PIP5K1A: variants seen among roughly 807,000 people sequenced by gnomAD.
PIP5K1A encodes phosphatidylinositol 4-phosphate 5-kinase type-1 alpha.
A neutral mutation model predicts 72.9 loss-of-function variants in PIP5K1A; 46 were observed. The observed-to-expected ratio is 0.63, with a 90% CI of 0.50 to 0.81. The LOEUF (loss-of-function observed/expected upper bound fraction) is 0.81. Ranked by LOEUF, PIP5K1A falls within the 30% of genes least tolerant of loss-of-function variation. The probability of loss-of-function intolerance (pLI) is 0.00; values close to 1 mark genes in which losing one functional copy is unlikely to be tolerated. For missense variants in PIP5K1A, 458 were observed against 706.1 expected (o/e 0.65, Z 3.98); for synonymous variants, 228 against 255.1 (o/e 0.89, Z 1.01).
At chr1:151,211,412 G>A (rs1035611302) in intron 1 of PIP5K1A, among the ~76,000 whole-genome samples, 1 of 152,198 alleles carries the variant, frequency 6.6e-6, no homozygotes, top group Admixed American at 6.5e-5. Flanking sequence ...TTGAACCTGA[G>A]AGGTTGAGGC....
chr1:151,197,937 T>A, upstream of PIP5K1A: 1 of 414,124 alleles, frequency 2.4e-6, no homozygotes, highest in South Asian at 1.8e-5. Flanking sequence ...AGTTGGAGGC[T>A]AAAGGGGTTG....
At chr1:151,236,817 T>C in intron 9 of PIP5K1A, 54 bp downstream of exon 9, 1 of 1,011,014 alleles carries the variant, frequency 9.9e-7, no homozygotes, top group Non-Finnish European at 1.4e-6. Context: ...AGCACTTTTC[T>C]TTTCTTTTTT....
At chr1:151,228,466 A>G (rs993596954) in intron 4 of PIP5K1A, among the ~76,000 whole-genome samples, 4 of 152,170 alleles carry the variant, frequency 2.6e-5, no homozygotes, top group Admixed American at 6.6e-5. Flanking sequence ...TCCTCCACAA[A>G]GACAGTCATT....
intron 1 of PIP5K1A, among the ~76,000 whole-genome samples, chr1:151,199,964 GACAC>G (rs1017730381): frequency 6.6e-6 from 1 of 151,962 alleles, no homozygotes; most frequent in Non-Finnish European, 1.5e-5. Context: ...CAGGCACACA[GACAC>G]ACATACATAC....
At chr1:151,196,636 C>T (rs1684574553), upstream of PIP5K1A, among the ~76,000 whole-genome samples, 1 of 139,118 alleles carries the variant, frequency 7.2e-6, no homozygotes, top group Non-Finnish European at 1.5e-5. Flanking sequence ...CTCACCGAAA[C>T]GTCTGCCTCC....
rs989918997 is a variant in PIP5K1A at position 151,198,606 on chromosome 1, C to G, written c.-391C>G. 2 of 213,508 alleles carry G rather than the reference C, an allele frequency of 9.4e-6. No individual in the cohort carries two copies. The highest frequency in any genetic ancestry group is 5.4e-5 in the Admixed American group (1 of 18,568). 13.2% of individuals were successfully genotyped at this position (213,508 alleles called of 1,614,324 possible). On this transcript the variant is annotated 5_prime_UTR_variant, in exon 1 of 16. Transcript: ENST00000368888. ...CGGCCGGGTTGGGCGATTAACAGGC[C>G]GTGGTTAGGAAGGACGGAGAAGGGG...
chr1:151,233,327 G>A (rs4971016), intron 7 of PIP5K1A: 97,733 of 151,686 alleles, frequency 0.64, 31,825 homozygotes, highest in Non-Finnish European at 0.7. Flanking sequence ...TTTTCGTGAC[G>A]GAGTCTCGCT....
chr1:151,242,404 T>G, intron 13 of PIP5K1A, 34 bp from the exon 14 acceptor site: 1 of 1,613,190 alleles, frequency 6.2e-7, no homozygotes, highest in Non-Finnish European at 8.5e-7. Context: ...TTCCTTGTAT[T>G]TACTGTACCC....
Position 151,210,139 on chromosome 1 carries a change from C to T in PIP5K1A, c.85+11058C>T, listed in dbSNP as rs182767671. On this transcript the variant is annotated intron_variant, in intron 1 of 15. Coordinates refer to ENST00000368888, the MANE Select transcript of PIP5K1A (RefSeq NM_001135638.2). ...CCTCAGGTGATCTGCCTGCTTCCGC[C>T]TCCCAAAGTGCTGGGATTACAGGTG... Among the ~76,000 whole-genome samples, 8 of 152,204 alleles carry T rather than the reference C, an allele frequency of 5.3e-5. No homozygotes were observed. In the East Asian group the frequency reaches 1.5e-3, roughly 29 times the overall value.
intron 1 of PIP5K1A, among the ~76,000 whole-genome samples, chr1:151,206,553 A>G (rs778213748): frequency 6.6e-6 from 1 of 151,900 alleles, no homozygotes; most frequent in Non-Finnish European, 1.5e-5. Flanking sequence ...GTATATTAAT[A>G]CTTTTTTTGT....
chr1:151,230,038 A>G (rs1057362280), intron 4 of PIP5K1A, among the ~76,000 whole-genome samples: 2 of 152,230 alleles, frequency 1.3e-5, no homozygotes, highest in African/African-American at 4.8e-5. Context: ...CAGTGAGCCA[A>G]GATCACGCCA....
At chr1:151,198,338 G>A (rs1243658491), upstream of PIP5K1A, among the ~76,000 whole-genome samples, 1 of 152,044 alleles carries the variant, frequency 6.6e-6, no homozygotes, top group African/African-American at 2.4e-5. Flanking sequence ...ACTCGACCCA[G>A]TCCTAGCAAA....
In PIP5K1A at chr1:151,238,179, C is replaced by T. The variant is rs755098343; in HGVS notation, c.1146-3C>T. 3.7e-6 allele frequency: 6 copies of T among 1,605,636 alleles called. No homozygotes were observed. The highest frequency in any genetic ancestry group is 5.1e-6 in the Non-Finnish European group (6 of 1,172,978). On this transcript the variant is annotated splice_region_variant and splice_polypyrimidine_tract_variant and intron_variant, in intron 9 of 15. Coordinates refer to ENST00000368888, the MANE Select transcript of PIP5K1A (RefSeq NM_001135638.2). ...CTCACCCTTTCCTTTTTGCCTTTTC[C>T]AGTATGGGTGGCATCCCTGCCCGGA...
chr1:151,208,484 C>T (rs587755381), intron 1 of PIP5K1A, among the ~76,000 whole-genome samples: 7 of 151,484 alleles, frequency 4.6e-5, no homozygotes, highest in African/African-American at 1.5e-4. Context: ...CCTCAGCCTC[C>T]TGAGTATCTG....
intron 12 of PIP5K1A, 22 bp from the exon 13 acceptor site, chr1:151,242,101 G>GCT: frequency 6.2e-7 from 1 of 1,613,308 alleles, no homozygotes; most frequent in Non-Finnish European, 8.5e-7. Context: ...TGCTAAGTAG[G>GCT]CTCTCTCTTT....
intron 1 of PIP5K1A, chr1:151,213,403 T>C (rs1353407070): frequency 6.6e-6 from 1 of 152,202 alleles, no homozygotes; most frequent in Non-Finnish European, 1.5e-5. Flanking sequence ...TTTCATAATT[T>C]AGAAGCTAGT....
chr1:151,198,328 A>C (rs1352190945), upstream of PIP5K1A, among the ~76,000 whole-genome samples: 1 of 151,904 alleles, frequency 6.6e-6, no homozygotes, highest in Non-Finnish European at 1.5e-5. Flanking sequence ...AGTTCAGATC[A>C]CTCGACCCAG....
At chr1:151,231,636 C>G (rs1690093015) in intron 4 of PIP5K1A, 35 bp from the exon 5 acceptor site, 1 of 1,596,142 alleles carries the variant, frequency 6.3e-7, no homozygotes. Flanking sequence ...CCTACTTATA[C>G]TAGGAATTTT....
At chr1:151,203,693 A>G (rs1685526165) in intron 1 of PIP5K1A, among the ~76,000 whole-genome samples, 1 of 151,832 alleles carries the variant, frequency 6.6e-6, no homozygotes, top group Non-Finnish European at 1.5e-5. Context: ...TCATGGTGGC[A>G]CACTCCTGTA....
Sources: gnomAD v4.1 joint callset for allele counts (sites outside exome capture counted in the v4.1 genomes callset) on GRCh38, gnomAD v4.1.1 for gene constraint, MANE v1.5 for transcripts, NCBI Gene and HGNC (gene_info 2026-07-23, HGNC 2026-07-21) for gene names.